Variants in GARRE1 observed in about 807,000 individuals in gnomAD.
GARRE1 encodes granule associated Rac and RHOG effector protein 1.
Under a neutral mutation model 103.2 loss-of-function variants are expected in GARRE1, and 49 were observed. The ratio of observed to expected loss-of-function variants is 0.47; its 90% CI spans 0.38 to 0.60. GARRE1 has a LOEUF of 0.60. GARRE1 is among the 20% of genes least tolerant of loss of function. The pLI, the probability that GARRE1 is intolerant of heterozygous loss-of-function variation, is 0.00. For missense variants in GARRE1, 1,199 were observed against 1,370.5 expected (o/e 0.87, Z 1.98); for synonymous variants, 505 against 532.8 (o/e 0.95, Z 0.72).
At chr19:34,342,516 C>A in intron 10 of GARRE1, 61 bp downstream of exon 10, 1 of 1,433,194 alleles carries the variant, frequency 7.0e-7, no homozygotes, top group Non-Finnish European at 9.6e-7. Context: ...CCGAGGTCTT[C>A]CCAGGGCCTG....
chr19:34,350,742 C>T (rs1438747383), intron 12 of GARRE1, among the ~76,000 whole-genome samples: 3 of 151,996 alleles, frequency 2.0e-5, no homozygotes, highest in Admixed American at 6.6e-5. Flanking sequence ...CCACCATGCC[C>T]GGCTAATTTT....
intron 1 of GARRE1, among the ~76,000 whole-genome samples, chr19:34,293,597 A>G (rs2073929708): frequency 2.0e-5 from 3 of 150,558 alleles, no homozygotes; most frequent in African/African-American, 4.9e-5. Context: ...GGGTTTCGCC[A>G]TGTTGCCCAG....
chr19:34,327,111 C>T (rs1402627528), intron 3 of GARRE1, among the ~76,000 whole-genome samples: 6 of 151,416 alleles, frequency 4.0e-5, no homozygotes, highest in Non-Finnish European at 8.8e-5. Context: ...GCTGAGATAG[C>T]GCCACTACAC....
intron 3 of GARRE1, among the ~76,000 whole-genome samples, chr19:34,326,695 T>A (rs2145266466): frequency 6.6e-6 from 1 of 152,266 alleles, no homozygotes; most frequent in South Asian, 2.1e-4. Flanking sequence ...CTTCCTTTTT[T>A]TTTTTATTCT....
chr19:34,300,891 G>T lies in GARRE1; in HGVS notation c.418G>T (p.Ala140Ser), dbSNP rs1213911417. The part of the protein sequence containing the change: ...RLTSAIKPEI[A>S]KMLMELSAGA... Reference sequence around the variant, plus strand: ...GACCTCGGCCATAAAGCCTGAGATCGCCAAGATGCTAATGGAACTTAGTGC... The same window carrying T: ...GACCTCGGCCATAAAGCCTGAGATCTCCAAGATGCTAATGGAACTTAGTGC... Residue 140 changes from alanine to serine, a missense_variant, in exon 2 of 14, where the codon GCC (alanine) becomes TCC (serine). Physicochemically the swap from Ala to Ser is moderately conservative, Grantham distance 99. Transcript: ENST00000299505. 2 of 1,610,948 alleles carry T rather than the reference G, an allele frequency of 1.2e-6. No individual in the cohort carries two copies. Among genetic ancestry groups the T allele is most frequent in the Non-Finnish European group, 1.7e-6 (2 of 1,180,038 alleles).
intron 1 of GARRE1, among the ~76,000 whole-genome samples, chr19:34,266,589 T>C (rs1599746509): frequency 1.3e-5 from 2 of 152,306 alleles, no homozygotes; most frequent in African/African-American, 4.8e-5. Flanking sequence ...CTTGATCTCT[T>C]CACCTCGGCC....
At chr19:34,273,165 G>A (rs1313870099) in intron 1 of GARRE1, among the ~76,000 whole-genome samples, 1 of 152,200 alleles carries the variant, frequency 6.6e-6, no homozygotes, top group East Asian at 1.9e-4. Context: ...TTGTGCCACT[G>A]TACTCCAGCC....
intron 7 of GARRE1, 138 bp from the exon 8 acceptor site, chr19:34,333,566 C>T (rs570335526): frequency 1.7e-6 from 1 of 604,682 alleles, no homozygotes; most frequent in South Asian, 2.1e-5. Context: ...TTCACGGGGC[C>T]CTGACTGGCC....
rs551516717 is a variant in GARRE1 at position 34,330,245 on chromosome 19, G to A, written c.1161G>A (p.Arg387=). The A allele has an allele frequency of 1.2e-6, 2 of 1,614,126 alleles. No individual in the cohort carries two copies. Among genetic ancestry groups the A allele is most frequent in the South Asian group, 2.2e-5 (2 of 91,076 alleles). The part of the protein sequence containing the change: ...EAGCYNGITS[R]DDFPVTEVLN... ...GCTGCTATAATGGAATCACATCCAG[G>A]GATGATTTTCCTGTGACTGAAGTGC... Residue 387 remains arginine, a synonymous_variant, in exon 7 of 14, where the codon AGG becomes AGA. Coordinates refer to ENST00000299505, the MANE Select transcript of GARRE1 (RefSeq NM_014686.5).
At chr19:34,307,674 TATATAC>T (rs1488759792) in intron 2 of GARRE1, among the ~76,000 whole-genome samples, 928 of 49,654 alleles carry the variant, frequency 0.019, 8 homozygotes, top group Non-Finnish European at 0.059. Context: ...TATATACTTA[TATATAC>T]ATATATACTT....
At chr19:34,298,558 C>T (rs546564405) in intron 1 of GARRE1, among the ~76,000 whole-genome samples, 1 of 151,820 alleles carries the variant, frequency 6.6e-6, no homozygotes, top group South Asian at 2.1e-4. Context: ...ACTAAAAGTA[C>T]AAAAATTAGC....
rs2074187665 is a variant in GARRE1, at chr19:34,341,952, CT to C, written c.2019del (p.Ala674LeufsTer6). 1 of 1,614,094 alleles carries C rather than the reference CT, an allele frequency of 6.2e-7. No homozygotes were observed. On this transcript the variant is annotated frameshift_variant, in exon 10 of 14. Transcript: ENST00000299505. LOFTEE classifies it high-confidence loss of function. ...QGSPLVTRHN[S>X]AATAMVTEQK... ...TCTCCGTTGGTGACAAGGCATAATTCTGCTGCCACAGCCATGGTGACTGAGC... is the reference window on the plus strand; with the variant it reads ...TCTCCGTTGGTGACAAGGCATAATTCGCTGCCACAGCCATGGTGACTGAGC...
chr19:34,293,471 C>T (rs1294290288), intron 1 of GARRE1, among the ~76,000 whole-genome samples: 1 of 151,116 alleles, frequency 6.6e-6, no homozygotes. Context: ...TCATGGTTCA[C>T]TGCAGCCTCA....
At chr19:34,340,303 CAG>C (rs996279501) in intron 9 of GARRE1, among the ~76,000 whole-genome samples, 1 of 152,128 alleles carries the variant, frequency 6.6e-6, no homozygotes, top group African/African-American at 2.4e-5. Flanking sequence ...GAATTAAGAA[CAG>C]AGAAATGTTT....
chr19:34,330,102 G>A, intron 6 of GARRE1, 87 bp from the exon 7 acceptor site: 2 of 1,154,248 alleles, frequency 1.7e-6, no homozygotes, highest in Non-Finnish European at 2.5e-6. Flanking sequence ...TTCTCTTGAG[G>A]ATGATTGTAT....
At chr19:34,298,427 A>AT (rs1336987638) in intron 1 of GARRE1, among the ~76,000 whole-genome samples, 2 of 150,956 alleles carry the variant, frequency 1.3e-5, no homozygotes, top group Non-Finnish European at 2.9e-5. Context: ...AAAAAAAAAA[A>AT]GTTGGCCAGG....
intron 1 of GARRE1, among the ~76,000 whole-genome samples, chr19:34,271,758 G>C (rs1222192006): frequency 6.6e-6 from 1 of 151,990 alleles, no homozygotes; most frequent in South Asian, 2.1e-4. Context: ...AGGTTCACTT[G>C]AGGGAGGTCA....
intron 2 of GARRE1, among the ~76,000 whole-genome samples, chr19:34,314,689 A>G (rs2074052335): frequency 6.6e-6 from 1 of 152,240 alleles, no homozygotes; most frequent in Admixed American, 6.5e-5. Flanking sequence ...TGTTCTAAAC[A>G]TAGCATGGCA....
In GARRE1 at chr19:34,327,523, C is replaced by T. The variant is rs373733781; in HGVS notation, c.808C>T (p.Leu270=). 6 of 1,613,686 alleles carry T rather than the reference C, an allele frequency of 3.7e-6. No individual in the cohort carries two copies. Among genetic ancestry groups the T allele is most frequent in the African/African-American group, 1.3e-5 (1 of 74,894 alleles). Residue 270 remains leucine (L), a synonymous_variant, in exon 4 of 14, where the codon CTA becomes TTA. Transcript: ENST00000299505. ...SQSAAIPEHQ[L]KELNIKIDSA... is the part of the protein sequence containing the mutation. ...AAGTGCAGCAATTCCTGAGCACCAG[C>T]TAAAAGAACTGAACATAAAAATCGA...
Sources: gnomAD v4.1 joint callset for allele counts (sites outside exome capture counted in the v4.1 genomes callset) on GRCh38, gnomAD v4.1.1 for gene constraint, MANE v1.5 for transcripts, NCBI Gene and HGNC (gene_info 2026-07-23, HGNC 2026-07-21) for gene names.